The following LIMD1 variants were observed in gnomAD, a reference collection of about 807,000 sequenced individuals.
The protein encoded by LIMD1 is LIM domain-containing protein 1.
Under a neutral mutation model 58.4 loss-of-function variants are expected in LIMD1, and 23 were observed. The ratio of observed to expected loss-of-function variants is 0.39; its 90% confidence interval spans 0.28 to 0.56. The LOEUF (loss-of-function observed/expected upper bound fraction) is 0.56. Ranked by LOEUF, LIMD1 falls within the 20% of genes least tolerant of loss-of-function variation. The pLI is 0.57. For synonymous variants in LIMD1, 334 were observed against 345.5 expected (o/e 0.97, Z 0.37); for missense variants, 838 against 855.5 (o/e 0.98, Z 0.25).
At chr3:45,616,094 T>C (rs1377284748) in intron 1 of LIMD1, among the ~76,000 whole-genome samples, 3 of 152,188 alleles carry the variant, frequency 2.0e-5, no homozygotes, top group Non-Finnish European at 4.4e-5. Flanking sequence ...TTCCCTCTGG[T>C]TTAAGAAACT....
In LIMD1 at chr3:45,684,366, A is replaced by G. The variant is rs1319653913; in HGVS notation, c.*7307A>G. On this transcript the variant is annotated 3_prime_UTR_variant, in exon 8 of 8. Coordinates refer to ENST00000273317, the MANE Select transcript of LIMD1 (RefSeq NM_014240.3). ...AAGTGAGGGGACACCCAATTTGAAA[A>G]CTCGGCAGGAAGCCAGACTCCATGA... 2.0e-5 allele frequency: 3 copies of G among 151,996 alleles called. No homozygotes were observed. Among genetic ancestry groups the G allele is most frequent in the African/African-American group, 7.3e-5 (3 of 41,368 alleles). The allele number at this position is 151,996 out of a possible 1,614,324, so 9.4% of individuals were successfully genotyped here.
At chr3:45,609,997 G>C (rs957965701) in intron 1 of LIMD1, among the ~76,000 whole-genome samples, 1 of 152,138 alleles carries the variant, frequency 6.6e-6, no homozygotes, top group African/African-American at 2.4e-5. Context: ...ATCGAGACCA[G>C]CCTGACCAAC....
intron 1 of LIMD1, among the ~76,000 whole-genome samples, chr3:45,604,000 T>C (rs1247235118): frequency 2.0e-5 from 3 of 152,178 alleles, no homozygotes; most frequent in African/African-American, 4.8e-5. Context: ...CCACCAAGTG[T>C]CCAAGGATCA....
chr3:45,641,408 G>C (rs562588351), intron 2 of LIMD1, among the ~76,000 whole-genome samples: 1 of 151,772 alleles, frequency 6.6e-6, no homozygotes, highest in African/African-American at 2.4e-5. Context: ...GAACATACTT[G>C]TATATGTATC....
At chr3:45,649,764 T>C (rs140394844) in intron 2 of LIMD1, among the ~76,000 whole-genome samples, 8,150 of 144,568 alleles carry the variant, frequency 0.056, 761 homozygotes, top group African/African-American at 0.19. Context: ...ATATTTTATA[T>C]ATATAATTAT....
chr3:45,662,680 A>G (rs1697458851), intron 2 of LIMD1, among the ~76,000 whole-genome samples: 1 of 152,196 alleles, frequency 6.6e-6, no homozygotes, highest in South Asian at 2.1e-4. Flanking sequence ...TTGTCAATAA[A>G]AAACATACAG....
rs758776474 is a variant in LIMD1 at position 45,595,860 on chromosome 3, C to T, written c.981C>T (p.Ser327=). ...GLGGEVSGVM[S]KPNVDPQPWF... ...GGGGTGAGGTTTCAGGTGTGATGTC[C>T]AAACCCAATGTGGACCCCCAACCCT... Residue 327 remains serine (S), a synonymous_variant, in exon 1 of 8, where the codon TCC becomes TCT. Coordinates refer to ENST00000273317, the MANE Select transcript of LIMD1 (RefSeq NM_014240.3). The T allele has an allele frequency of 1.6e-5, 26 of 1,614,070 alleles. No homozygotes were observed. The South Asian group carries it at 2.5e-4, about 16-fold the overall frequency.
intron 3 of LIMD1, among the ~76,000 whole-genome samples, chr3:45,666,730 A>G (rs1697525331): frequency 6.6e-6 from 1 of 152,104 alleles, no homozygotes; most frequent in African/African-American, 2.4e-5. Context: ...ATTGACTGAA[A>G]GCTTCCAGGA....
chr3:45,658,421 A>AT (rs1339254999), intron 2 of LIMD1, among the ~76,000 whole-genome samples: 3 of 151,702 alleles, frequency 2.0e-5, no homozygotes, highest in Non-Finnish European at 4.4e-5. Flanking sequence ...CAGCTGGGCA[A>AT]TTTTTTAAAT....
intron 1 of LIMD1, among the ~76,000 whole-genome samples, chr3:45,601,470 C>T (rs1701410866): frequency 6.6e-6 from 1 of 152,202 alleles, no homozygotes; most frequent in Non-Finnish European, 1.5e-5. Flanking sequence ...TGTGCCCTCC[C>T]CTGTCCTCGC....
Position 45,595,275 on chromosome 3 carries a change from G to C in LIMD1, c.396G>C (p.Gln132His). The C allele has an allele frequency of 6.2e-7, 1 of 1,612,524 alleles. No individual in the cohort carries two copies. ...AGCCCCCGTACCCACCGCAGGAGCA[G>C]AGATCCAGGCCATACCTGCATGGCA... ...AGQPPYPPQE[Q>H]RSRPYLHGTR... The change falls in exon 1 of 8, where the codon CAG becomes CAC. Residue 132 changes from glutamine (Q) to histidine (H), a missense_variant. By Grantham distance (24) the Gln-to-His change is conservative (BLOSUM62 0). Transcript: ENST00000273317.
At chr3:45,602,879 AC>A (rs1701429914) in intron 1 of LIMD1, among the ~76,000 whole-genome samples, 1 of 148,800 alleles carries the variant, frequency 6.7e-6, no homozygotes, top group Admixed American at 6.8e-5. Flanking sequence ...TCACTCCGTC[AC>A]CCAGGCTGGA....
At chr3:45,659,867 T>C (rs918830123) in intron 2 of LIMD1, among the ~76,000 whole-genome samples, 1 of 152,214 alleles carries the variant, frequency 6.6e-6, no homozygotes, top group African/African-American at 2.4e-5. Context: ...GGAGAGTTTA[T>C]CATCTTACAC....
chr3:45,631,814 G>A (rs184663739), intron 1 of LIMD1, among the ~76,000 whole-genome samples: 5 of 152,348 alleles, frequency 3.3e-5, no homozygotes, highest in Admixed American at 6.5e-5. Flanking sequence ...AACAGGGGTA[G>A]GAGAGGGTGC....
At chr3:45,629,427 A>AG (rs148987378) in intron 1 of LIMD1, among the ~76,000 whole-genome samples, 2 of 132,016 alleles carry the variant, frequency 1.5e-5, no homozygotes, top group East Asian at 5.2e-4. Context: ...AAAAAAAAAA[A>AG]AAAGAAAAGA....
rs543000561 is a variant in LIMD1 at position 45,597,061 on chromosome 3, T to C, written c.1408+774T>C. Reference sequence around the variant, plus strand: ...TTTTTAAGTAGAGACAGGGTTTCACTGCGCTAGCCAGGATGTTCTCAATCT... The same window carrying C: ...TTTTTAAGTAGAGACAGGGTTTCACCGCGCTAGCCAGGATGTTCTCAATCT... On this transcript the variant is annotated intron_variant, in intron 1 of 7. Coordinates refer to ENST00000273317, the MANE Select transcript of LIMD1 (RefSeq NM_014240.3). Among the ~76,000 whole-genome samples the C allele has an allele frequency of 4.8e-4, 73 of 151,758 alleles. 1 individual carries two copies. In the South Asian group the frequency reaches 7.1e-3, roughly 15 times the overall value.
At chr3:45,616,314 C>T (rs1042592552) in intron 1 of LIMD1, among the ~76,000 whole-genome samples, 4 of 152,164 alleles carry the variant, frequency 2.6e-5, no homozygotes, top group Non-Finnish European at 5.9e-5. Flanking sequence ...GTCTCACTCT[C>T]TCGAGGGACA....
chr3:45,612,795 T>G (rs1701538038), intron 1 of LIMD1: 1 of 152,250 alleles, frequency 6.6e-6, no homozygotes. Context: ...TTGATCTTCA[T>G]TATCCACAGA....
At chr3:45,615,467 G>A (rs1701567331) in intron 1 of LIMD1, among the ~76,000 whole-genome samples, 1 of 152,120 alleles carries the variant, frequency 6.6e-6, no homozygotes, top group African/African-American at 2.4e-5. Flanking sequence ...AGTGTAAATT[G>A]TTCCCACTAA....
Sources: allele counts gnomAD v4.1 joint callset (sites outside exome capture counted in the v4.1 genomes callset), GRCh38; gene constraint gnomAD v4.1.1; transcripts MANE v1.5; gene names NCBI Gene and HGNC (gene_info 2026-07-23, HGNC 2026-07-21).